Variants in DYNC2I1 observed in about 807,000 individuals in gnomAD.
DYNC2I1 encodes the protein dynein 2 intermediate chain 1.
In DYNC2I1, 89 loss-of-function variants were observed where a neutral mutation model predicts 133.4. The observed-to-expected ratio is 0.67, with a 90% CI of 0.56 to 0.80. The LOEUF (loss-of-function observed/expected upper bound fraction) is 0.80, where lower values mean the gene tolerates loss of function less well. Ranked by LOEUF, DYNC2I1 falls within the 30% of genes least tolerant of loss-of-function variation. The pLI, the probability that DYNC2I1 is intolerant of heterozygous loss-of-function variation, is 0.00. For synonymous variants in DYNC2I1, 504 were observed against 484.3 expected, an observed-to-expected ratio of 1.04 and a Z score of -0.54; for missense variants, 1,291 against 1,314.5, an observed-to-expected ratio of 0.98 and a Z score of 0.28.
At chr7:158,910,701 T>C (rs1847349758) in intron 11 of DYNC2I1, among the ~76,000 whole-genome samples, 1 of 148,184 alleles carries the variant, frequency 6.7e-6, no homozygotes, top group African/African-American at 2.5e-5. Context: ...CACTATTTGC[T>C]GTGTCAGACC....
intron 13 of DYNC2I1, 89 bp downstream of exon 13, chr7:158,913,185 C>G (rs757597471): frequency 1.4e-5 from 14 of 1,023,304 alleles, no homozygotes; most frequent in Non-Finnish European, 1.7e-5. Flanking sequence ...GGTTCACTTT[C>G]ATTTTGTCTT....
intron 1 of DYNC2I1, among the ~76,000 whole-genome samples, chr7:158,862,220 T>C (rs1436859347): frequency 1.3e-5 from 2 of 152,138 alleles, no homozygotes; most frequent in African/African-American, 4.8e-5. Flanking sequence ...ATAGAGACTA[T>C]CAGGGCCACA....
At chr7:158,846,526 T>C in the DYNC2I1 span, among the ~76,000 whole-genome samples, 2 of 152,138 alleles carry the variant, frequency 1.3e-5, no homozygotes, top group Non-Finnish European at 2.9e-5. Flanking sequence ...AAGGAATTTT[T>C]TAAAGTTAAT....
In DYNC2I1 at chr7:158,915,614, G is replaced by A. The variant is rs865926273; in HGVS notation, c.1791+1293G>A. ...AGATTAAGGATGATTGTGAAACATC[G>A]ACACGCTGGTTGACAGGATGATTGT... On this transcript the variant is annotated intron_variant, in intron 14 of 24. Transcript: ENST00000407559. Among the ~76,000 whole-genome samples the A allele has an allele frequency of 4.7e-4, 50 of 106,732 alleles. 1 individual carries two copies. The highest frequency in any genetic ancestry group is 1.5e-3 in the South Asian group (5 of 3,280). 70.0% of individuals were successfully genotyped at this position (106,732 alleles called of 152,430 possible).
intron 20 of DYNC2I1, 62 bp downstream of exon 20, chr7:158,927,105 C>G (rs1043031122): frequency 1.6e-5 from 20 of 1,253,140 alleles, no homozygotes; most frequent in Non-Finnish European, 2.3e-5. Context: ...ATTAAAAGTA[C>G]TGATAACTGC....
At chr7:158,922,998 GT>G (rs1849248535) in intron 16 of DYNC2I1, among the ~76,000 whole-genome samples, 1 of 152,194 alleles carries the variant, frequency 6.6e-6, no homozygotes, top group African/African-American at 2.4e-5. Flanking sequence ...CTGTGTTGAA[GT>G]GTGCTGTCGC....
intron 8 of DYNC2I1, among the ~76,000 whole-genome samples, chr7:158,892,536 G>T (rs1585057043): frequency 6.6e-6 from 1 of 152,222 alleles, no homozygotes; most frequent in Non-Finnish European, 1.5e-5. Flanking sequence ...TAGACTCTTG[G>T]GATCAAGCGA....
intron 17 of DYNC2I1, 149 bp downstream of exon 17, chr7:158,923,882 AC>A: frequency 1.0e-6 from 1 of 981,124 alleles, no homozygotes; most frequent in South Asian, 2.0e-5. Flanking sequence ...TTTGATAAAT[AC>A]AAAAAACAGA....
At chr7:158,919,251 A>T (rs113690971) in intron 15 of DYNC2I1, among the ~76,000 whole-genome samples, 2,993 of 152,354 alleles carry the variant, frequency 0.02, 92 homozygotes, top group African/African-American at 0.067. Flanking sequence ...GAGTGTTCAG[A>T]TCAAAGTTGT....
At chr7:158,880,783 T>G (rs1337938786) in intron 5 of DYNC2I1, among the ~76,000 whole-genome samples, 1 of 152,092 alleles carries the variant, frequency 6.6e-6, no homozygotes, top group African/African-American at 2.4e-5. Context: ...TTCCTAGAGG[T>G]GTTTTAGCAC....
chr7:158,843,270 T>C, the DYNC2I1 span, among the ~76,000 whole-genome samples: 2 of 152,066 alleles, frequency 1.3e-5, no homozygotes, highest in African/African-American at 4.8e-5. Flanking sequence ...AGTTTTTTTT[T>C]GTTTTTCGAG....
chr7:158,912,146 G>T (rs969990819), intron 12 of DYNC2I1, among the ~76,000 whole-genome samples: 1 of 152,138 alleles, frequency 6.6e-6, no homozygotes, highest in Non-Finnish European at 1.5e-5. Flanking sequence ...TTTTCTGGGT[G>T]AACCCTTCCT....
At chr7:158,906,914 C>T (rs1437293564) in intron 11 of DYNC2I1, among the ~76,000 whole-genome samples, 1 of 152,074 alleles carries the variant, frequency 6.6e-6, no homozygotes, top group Non-Finnish European at 1.5e-5. Flanking sequence ...CCTATAATCC[C>T]AGCACTTTGA....
chr7:158,934,866 T>C (rs1192656485), intron 23 of DYNC2I1, among the ~76,000 whole-genome samples: 2 of 152,222 alleles, frequency 1.3e-5, no homozygotes, highest in Non-Finnish European at 2.9e-5. Context: ...CAGTGATCCA[T>C]TGGAAAATTT....
intron 8 of DYNC2I1, among the ~76,000 whole-genome samples, chr7:158,894,388 AT>A (rs1437643637): frequency 6.6e-6 from 1 of 152,204 alleles, no homozygotes; most frequent in Non-Finnish European, 1.5e-5. Context: ...GTAAAAAAAA[AT>A]AATAATACAT....
chr7:158,865,197 A>G (rs1842300202), intron 1 of DYNC2I1, among the ~76,000 whole-genome samples: 1 of 152,192 alleles, frequency 6.6e-6, no homozygotes, highest in Non-Finnish European at 1.5e-5. Flanking sequence ...CTTGGAGGTG[A>G]TACCACCTTG....
chr7:158,869,761 G>C, intron 1 of DYNC2I1, 94 bp from the exon 2 acceptor site: 1 of 885,556 alleles, frequency 1.1e-6, no homozygotes, highest in South Asian at 1.7e-5. Context: ...AGAATTAACT[G>C]CCATTGATTT....
At chr7:158,887,572 A>C (rs2129480906) in intron 7 of DYNC2I1, among the ~76,000 whole-genome samples, 1 of 152,346 alleles carries the variant, frequency 6.6e-6, no homozygotes, top group African/African-American at 2.4e-5. Flanking sequence ...TTATGGTAAC[A>C]AATTAGGTAA....
chr7:158,934,727 G>A (rs1432462886), intron 23 of DYNC2I1, among the ~76,000 whole-genome samples, 178 bp downstream of exon 23: 2 of 152,068 alleles, frequency 1.3e-5, no homozygotes, highest in African/African-American at 2.4e-5. Context: ...ACCTGTACAG[G>A]TGCATGCCAC....
Sources: gnomAD v4.1 joint callset for allele counts (sites outside exome capture counted in the v4.1 genomes callset) on GRCh38, gnomAD v4.1.1 for gene constraint, MANE v1.5 for transcripts, NCBI Gene and HGNC (gene_info 2026-07-23, HGNC 2026-07-21) for gene names.